Variants in PTBP2 observed in about 807,000 individuals in gnomAD.
PTBP2 encodes polypyrimidine tract binding protein 2.
In PTBP2, 13 loss-of-function variants were observed where a neutral mutation model predicts 61.4. The ratio of observed to expected loss-of-function variants is 0.21; its 90% confidence interval spans 0.14 to 0.34. PTBP2 has a LOEUF of 0.34. PTBP2 is among the 10% of genes least tolerant of loss of function. PTBP2 has a pLI of 1.00. For synonymous variants in PTBP2, 215 were observed against 218.5 expected, an observed-to-expected ratio of 0.98 and a Z score of 0.14; for missense variants, 405 against 642.6, an observed-to-expected ratio of 0.63 and a Z score of 4.00.
chr1:96,751,550 A>T (rs889085077), intron 3 of PTBP2, 50 bp downstream of exon 3: 4 of 1,404,134 alleles, frequency 2.8e-6, no homozygotes, highest in Non-Finnish European at 4.0e-6. Context: ...TAGGGGGCAG[A>T]ATGTTAAAAC....
At chr1:96,739,505 A>G (rs530432399) in intron 2 of PTBP2, among the ~76,000 whole-genome samples, 14 of 151,856 alleles carry the variant, frequency 9.2e-5, no homozygotes, top group Middle Eastern at 3.4e-3. Context: ...TTCTGTGTCT[A>G]TGAATTTGAC....
In PTBP2 at chr1:96,792,128, C is replaced by T. The variant is rs369797522; in HGVS notation, c.904+6874C>T. Among the ~76,000 whole-genome samples the T allele has an allele frequency of 3.9e-4, 60 of 152,186 alleles. No individual in the cohort carries two copies. The South Asian group carries it at 9.5e-3, about 24-fold the overall frequency. ...CTGGGATTACGGGCGTGAGCCACCG[C>T]GCCTAGCCTGCTTAGAGTTTTTTAT... On this transcript the variant is annotated intron_variant, in intron 8 of 13. Coordinates refer to ENST00000674951, the MANE Select transcript of PTBP2 (RefSeq NM_021190.4).
At chr1:96,817,121 T>A (rs766985442), downstream of PTBP2, 1 of 152,096 alleles carries the variant, frequency 6.6e-6, no homozygotes, top group Non-Finnish European at 1.5e-5. Flanking sequence ...CATATTTAAT[T>A]ATAGACTGCA....
intron 8 of PTBP2, among the ~76,000 whole-genome samples, chr1:96,802,199 A>ACTCC (rs1661072802): frequency 7.4e-6 from 1 of 134,940 alleles, no homozygotes; most frequent in East Asian, 2.3e-4. Context: ...AGACACAGCG[A>ACTCC]GACTCCGTCT....
chr1:96,813,323 T>A lies in PTBP2; in HGVS notation c.1514T>A (p.Ile505Asn). The A allele has an allele frequency of 6.2e-7, 1 of 1,609,650 alleles. No homozygotes were observed. Among genetic ancestry groups the A allele is most frequent in the Non-Finnish European group, 8.5e-7 (1 of 1,178,204 alleles). Residue 505 changes from isoleucine (I) to asparagine (N), a missense_variant, in exon 14 of 14, where the codon ATT (isoleucine) becomes AAT (asparagine). Ile to Asn is a moderately radical substitution (Grantham distance 149, BLOSUM62 -3). This residue lies in a region of PTBP2 where 21 missense variants were observed against 54.1 expected (regional missense o/e 0.39). Coordinates refer to ENST00000674951, the MANE Select transcript of PTBP2 (RefSeq NM_021190.4). ...CAGATGGCAACAGTGGAAGAAGCTA[T>A]TCAGGCCTTGATTGATCTTCATAAT... is the stretch of plus-strand genomic sequence containing the variant. ...LLQMATVEEA[I>N]QALIDLHNYN...
intron 7 of PTBP2, among the ~76,000 whole-genome samples, chr1:96,782,708 TA>T (rs1352504555): frequency 6.6e-6 from 1 of 152,030 alleles, no homozygotes; most frequent in African/African-American, 2.4e-5. Context: ...ATTTGGAAGT[TA>T]AGGTTTCTCT....
intron 8 of PTBP2, among the ~76,000 whole-genome samples, chr1:96,804,430 A>T (rs1024913931): frequency 2.0e-5 from 3 of 152,152 alleles, no homozygotes; most frequent in Non-Finnish European, 2.9e-5. Context: ...CGAAAGTGAT[A>T]CTTTTTTACA....
chr1:96,729,732 A>AT (rs748378072), intron 2 of PTBP2, among the ~76,000 whole-genome samples: 1,301 of 110,380 alleles, frequency 0.012, 32 homozygotes, highest in African/African-American at 0.028. Context: ...TGATACTACT[A>AT]TTTTTTTTTT....
intron 3 of PTBP2, among the ~76,000 whole-genome samples, chr1:96,759,010 T>A (rs1655482050): frequency 6.6e-6 from 1 of 152,070 alleles, no homozygotes; most frequent in African/African-American, 2.4e-5. Flanking sequence ...GGCAGCAAAT[T>A]CTTAGAAAAT....
chr1:96,770,653 A>T, intron 4 of PTBP2, 55 bp from the exon 5 acceptor site: 1 of 1,373,252 alleles, frequency 7.3e-7, no homozygotes. Flanking sequence ...GATTGCTTAG[A>T]TATTAATTTT....
chr1:96,808,782 AT>A (rs1661746978), intron 11 of PTBP2, among the ~76,000 whole-genome samples: 1 of 151,704 alleles, frequency 6.6e-6, no homozygotes, highest in Non-Finnish European at 1.5e-5. Flanking sequence ...TACTGACACC[AT>A]CATTTCCTTT....
chr1:96,822,046 T>TG (rs1258167002), exon 14 of PTBP2: 2 of 152,174 alleles, frequency 1.3e-5, no homozygotes, highest in African/African-American at 2.4e-5. Context: ...CGAAAGTAAT[T>TG]GCGATTTTTG....
At chr1:96,789,154 TAGG>T (rs901119413) in intron 8 of PTBP2, among the ~76,000 whole-genome samples, 3 of 152,004 alleles carry the variant, frequency 2.0e-5, no homozygotes, top group Non-Finnish European at 4.4e-5. Flanking sequence ...TTCTAAAAAT[TAGG>T]AGAGAGACTG....
At chr1:96,821,768 A>G (rs1244036226) in exon 14 of PTBP2, 2 of 152,188 alleles carry the variant, frequency 1.3e-5, no homozygotes, top group African/African-American at 4.8e-5. Context: ...AGCTGGAATT[A>G]CAGGCACCCA....
intron 8 of PTBP2, among the ~76,000 whole-genome samples, chr1:96,788,458 T>C (rs12035927): frequency 0.27 from 40,766 of 151,928 alleles, 6,887 homozygotes; most frequent in African/African-American, 0.49. Context: ...ACATTGTTTA[T>C]GGTGATATCC....
chr1:96,759,741 A>G (rs1655581423), intron 3 of PTBP2, among the ~76,000 whole-genome samples: 3 of 152,248 alleles, frequency 2.0e-5, no homozygotes, highest in Non-Finnish European at 2.9e-5. Flanking sequence ...AAGACAAGGC[A>G]CAGACTTGGA....
chr1:96,725,721 A>C (rs955085789), intron 2 of PTBP2, among the ~76,000 whole-genome samples: 2 of 152,170 alleles, frequency 1.3e-5, no homozygotes, highest in African/African-American at 4.8e-5. Flanking sequence ...ACAAGTAATT[A>C]AGTGTTCTTT....
At position 96,731,575 on chromosome 1, in the gene PTBP2, G is replaced by A. The variant is rs942164913; in HGVS notation, c.39+7981G>A. ...CTCAGCTTCTTCACCTTTTAAATTA[G>A]GATTTTAATAGTTCCACAAACTAGG... is the stretch of plus-strand genomic sequence containing the variant. On this transcript the variant is annotated intron_variant, in intron 2 of 13. Transcript: ENST00000674951. Among the ~76,000 whole-genome samples, 3 of 151,896 alleles carry A rather than the reference G, an allele frequency of 2.0e-5. No homozygotes were observed. In the East Asian group the frequency reaches 5.8e-4, roughly 29 times the overall value.
chr1:96,823,298 T>G lies in PTBP2; in HGVS notation c.*9893T>G, dbSNP rs543119145. On this transcript the variant is annotated 3_prime_UTR_variant, in exon 14 of 14. Coordinates refer to the PTBP2 transcript ENST00000609116. ...CAAGGCCATTTTAGCCACTATGCTT[T>G]TAAGACTACTTAAAGCTGTGCTTTC... 3 of 152,280 alleles carry G rather than the reference T, an allele frequency of 2.0e-5. 1 individual carries two copies. The South Asian group carries it at 6.2e-4, about 31-fold the overall frequency. 9.4% of individuals were successfully genotyped at this position (152,280 alleles called of 1,614,324 possible). A position where few individuals can be genotyped will look rare whatever the true frequency, so the allele number is the denominator to read the frequency against.
Sources: gnomAD v4.1 joint callset for allele counts (sites outside exome capture counted in the v4.1 genomes callset) on GRCh38, gnomAD v4.1.1 for gene constraint, gnomAD v4.1.1 regional missense constraint, MANE v1.5 for transcripts, NCBI Gene and HGNC (gene_info 2026-07-23, HGNC 2026-07-21) for gene names.